The following TSHZ3 variants were observed in gnomAD, a reference collection of about 807,000 sequenced individuals.
The protein encoded by TSHZ3 is teashirt homolog 3.
TSHZ3 carries 10 observed loss-of-function variants against 64.5 expected under a neutral mutation model. That is an observed-to-expected ratio of 0.16 (90% CI 0.10 to 0.26). The LOEUF (loss-of-function observed/expected upper bound fraction) is 0.26. Ranked by LOEUF, TSHZ3 falls within the 10% of genes least tolerant of loss-of-function variation. The pLI is 1.00. For missense variants in TSHZ3, 1,242 were observed against 1,421.7 expected (o/e 0.87, Z 2.03); for synonymous variants, 608 against 593.1 (o/e 1.03, Z -0.36).
intron 1 of TSHZ3, among the ~76,000 whole-genome samples, chr19:31,315,566 C>T (rs923596959): frequency 2.0e-5 from 3 of 152,222 alleles, no homozygotes; most frequent in African/African-American, 7.2e-5. Flanking sequence ...CCTCACTCGC[C>T]ACCCAGCTTG....
intron 1 of TSHZ3, among the ~76,000 whole-genome samples, chr19:31,301,006 A>C (rs1317974302): frequency 6.6e-6 from 1 of 152,192 alleles, no homozygotes; most frequent in Non-Finnish European, 1.5e-5. Context: ...GGTCTCTGAC[A>C]GCATATTTAC....
rs956399700 is a variant in TSHZ3, at chr19:31,230,692, CT to C, written n.551-2553del. 6.6e-3 allele frequency among the ~76,000 whole-genome samples: 620 copies of C among 94,122 alleles called. 1 individual carries two copies. Among genetic ancestry groups the C allele is most frequent in the African/African-American group, 0.013 (281 of 21,186 alleles). 61.7% of individuals were successfully genotyped at this position (94,122 alleles called of 152,430 possible). On this transcript the variant is annotated intron_variant and non_coding_transcript_variant, in intron 3 of 6. Coordinates refer to the TSHZ3 transcript ENST00000651361. ...TCACTACCCCTGCTTCCCATCACTG[CT>C]TTTTTTTTTTTTTTTTTTTTTTTTG...
At chr19:31,227,126 G>T (rs1463833914) in intron 4 of TSHZ3, among the ~76,000 whole-genome samples, 2 of 151,424 alleles carry the variant, frequency 1.3e-5, no homozygotes, top group Non-Finnish European at 2.9e-5. Flanking sequence ...CTACAGGCCT[G>T]TGCCACCATG....
rs551481694 is a variant in TSHZ3, at chr19:31,330,702, C to T, written c.40+18478G>A. On this transcript the variant is annotated intron_variant, in intron 1 of 1. Coordinates refer to ENST00000240587, the MANE Select transcript of TSHZ3 (RefSeq NM_020856.4). ...AACAAGGAGCCAAGTGCTGTTTAATCCTTGGGCGGGGGGAGGAAAGTCCAG... is the reference window on the plus strand; with the variant it reads ...AACAAGGAGCCAAGTGCTGTTTAATTCTTGGGCGGGGGGAGGAAAGTCCAG... 1.4e-3 allele frequency among the ~76,000 whole-genome samples: 113 copies of T among 82,002 alleles called. 2 individuals are homozygous for T. Among genetic ancestry groups the T allele is most frequent in the Non-Finnish European group, 5.5e-5 (2 of 36,656 alleles). The allele number at this position is 82,002 out of a possible 152,430, so 53.8% of individuals were successfully genotyped here. A position where few individuals can be genotyped will look rare whatever the true frequency, so the allele number is the denominator to read the frequency against.
At chr19:31,152,432 C>T (rs568974642) in intron 6 of TSHZ3, among the ~76,000 whole-genome samples, 5 of 152,080 alleles carry the variant, frequency 3.3e-5, no homozygotes, top group East Asian at 1.9e-4. Flanking sequence ...GGAGGATTGC[C>T]GCTTCAGGGG....
intron 4 of TSHZ3, among the ~76,000 whole-genome samples, chr19:31,209,927 A>C (rs1405281631): frequency 6.6e-6 from 1 of 152,138 alleles, no homozygotes; most frequent in East Asian, 1.9e-4. Flanking sequence ...GTTCAAGTCT[A>C]GGAACAAAGG....
In TSHZ3 at chr19:31,277,946, T is replaced by C. The variant is rs527324144; in HGVS notation, c.1847A>G (p.Lys616Arg). The change falls in exon 2 of 2, where the codon AAG becomes AGG. Residue 616 changes from lysine (K) to arginine (R), a missense_variant. Lys to Arg is a conservative substitution (Grantham distance 26). Around this residue, in one of 4 missense-constraint regions of TSHZ3, gnomAD observed 550 missense variants for 545.1 expected, o/e 1.01. Coordinates refer to ENST00000240587, the MANE Select transcript of TSHZ3 (RefSeq NM_020856.4). The surrounding 1 kb of genome is among the most constrained non-coding windows in gnomAD (Gnocchi z 4.5). ...NFHAMEELVK[K>R]VTEKVAKVEE... is the part of the protein sequence containing the mutation. Reference sequence around the variant, plus strand: ...CACTTTGGCAACTTTCTCAGTGACCTTTTTCACCAGCTCCTCCATGGCATG... The same window carrying C: ...CACTTTGGCAACTTTCTCAGTGACCCTTTTCACCAGCTCCTCCATGGCATG... The C allele has an allele frequency of 6.2e-7, 1 of 1,613,960 alleles. No individual in the cohort carries two copies. Among genetic ancestry groups the C allele is most frequent in the Middle Eastern group, 1.7e-4 (1 of 6,060 alleles).
intron 5 of TSHZ3, among the ~76,000 whole-genome samples, chr19:31,167,251 T>C (rs1974467621): frequency 6.6e-6 from 1 of 152,258 alleles, no homozygotes; most frequent in Non-Finnish European, 1.5e-5. Context: ...CAATTCATTA[T>C]CAAATTTACT....
chr19:31,219,349 C>T (rs994308196), intron 4 of TSHZ3, among the ~76,000 whole-genome samples: 1 of 152,248 alleles, frequency 6.6e-6, no homozygotes, highest in Non-Finnish European at 1.5e-5. Flanking sequence ...ATCCAAAGGG[C>T]TCAACACAGC....
In TSHZ3 at chr19:31,183,547, G is replaced by T. The variant is rs139725525; in HGVS notation, n.809+21409C>A. 5.1e-3 allele frequency among the ~76,000 whole-genome samples: 775 copies of T among 152,210 alleles called. 3 individuals are homozygous for T. Among genetic ancestry groups the T allele is most frequent in the Non-Finnish European group, 6.2e-3 (423 of 68,026 alleles). On this transcript the variant is annotated intron_variant and non_coding_transcript_variant, in intron 5 of 6. Coordinates refer to the TSHZ3 transcript ENST00000651361. ...ACTGAAACCAACCTTCCAGAGAATT[G>T]CCTGACTCTAAAATTGGAAGGCCAC...
At chr19:31,348,353 A>G (rs1181687621) in intron 1 of TSHZ3, among the ~76,000 whole-genome samples, 3 of 152,176 alleles carry the variant, frequency 2.0e-5, no homozygotes, top group African/African-American at 7.2e-5. Flanking sequence ...CATTATTGCA[A>G]AATAATGTTA....
downstream of TSHZ3, among the ~76,000 whole-genome samples, chr19:31,273,846 C>T (rs1415426062): frequency 6.6e-6 from 1 of 152,198 alleles, no homozygotes; most frequent in Non-Finnish European, 1.5e-5. Flanking sequence ...GGCCCTGCAC[C>T]AGGAGGGGAA....
chr19:31,313,434 C>T (rs1054097333), intron 1 of TSHZ3, among the ~76,000 whole-genome samples: 2 of 152,314 alleles, frequency 1.3e-5, no homozygotes, highest in African/African-American at 4.8e-5. Flanking sequence ...AAGTGTGCAC[C>T]GCTGGAGGGC....
chr19:31,169,124 A>AG (rs993493336), intron 5 of TSHZ3, among the ~76,000 whole-genome samples: 3 of 151,334 alleles, frequency 2.0e-5, no homozygotes, highest in Admixed American at 6.6e-5. Context: ...TGAAAAAAAA[A>AG]AGAGAGAGAG....
chr19:31,204,027 G>A (rs1329813823), intron 5 of TSHZ3, among the ~76,000 whole-genome samples: 2 of 152,128 alleles, frequency 1.3e-5, no homozygotes, highest in Non-Finnish European at 2.9e-5. Context: ...GGCTGCAAGA[G>A]AGCGAAGTGC....
At chr19:31,234,612 C>G (rs887995552) in intron 3 of TSHZ3, among the ~76,000 whole-genome samples, 1 of 152,178 alleles carries the variant, frequency 6.6e-6, no homozygotes, top group Non-Finnish European at 1.5e-5. Flanking sequence ...TCATCAAACT[C>G]TTTTGCTGCA....
chr19:31,247,481 G>T (rs1488935648), intron 1 of TSHZ3, among the ~76,000 whole-genome samples: 1 of 151,622 alleles, frequency 6.6e-6, no homozygotes, highest in African/African-American at 2.4e-5. Context: ...CCAAATTGAG[G>T]ACGATCCACA....
chr19:31,191,234 C>T (rs925776491), intron 5 of TSHZ3, among the ~76,000 whole-genome samples: 10 of 152,038 alleles, frequency 6.6e-5, no homozygotes, highest in African/African-American at 2.4e-4. Context: ...TATATGTAGA[C>T]ACATTACAGC....
intron 3 of TSHZ3, among the ~76,000 whole-genome samples, chr19:31,228,329 C>A (rs764202571): frequency 6.6e-6 from 1 of 152,010 alleles, no homozygotes; most frequent in Middle Eastern, 3.2e-3. Context: ...AGTTCAAGAC[C>A]AGCTTGGGCA....
Sources: gnomAD v4.1 joint callset for allele counts (sites outside exome capture counted in the v4.1 genomes callset) on GRCh38, gnomAD v4.1.1 for gene constraint, gnomAD v4.1.1 regional missense constraint, Gnocchi (gnomAD v3.1) non-coding constraint, MANE v1.5 for transcripts, NCBI Gene and HGNC (gene_info 2026-07-23, HGNC 2026-07-21) for gene names.